CBX5: variants seen among roughly 807,000 people sequenced by gnomAD.
CBX5 encodes the protein chromobox protein homolog 5.
CBX5 carries 7 observed loss-of-function variants against 20.7 expected under a neutral mutation model. That is an observed-to-expected ratio of 0.34 (90% CI 0.19 to 0.63). CBX5 has a LOEUF of 0.63. Among genes scored for constraint, CBX5 ranks in the 30% least tolerant of loss-of-function variants. The probability of loss-of-function intolerance (pLI) is 0.75; values close to 1 mark genes in which losing one functional copy is unlikely to be tolerated. For synonymous variants in CBX5, 78 were observed against 77.0 expected, an observed-to-expected ratio of 1.01 and a Z score of -0.07; for missense variants, 110 against 224.1, an observed-to-expected ratio of 0.49 and a Z score of 3.25.
intron 3 of CBX5, 82 bp downstream of exon 3, chr12:54,251,959 A>G: frequency 7.8e-7 from 1 of 1,287,228 alleles, no homozygotes; most frequent in Admixed American, 2.5e-5. Context: ...AATAGAAATA[A>G]CCAAAATATG....
chr12:54,250,441 T>C (rs1250483313), intron 3 of CBX5, among the ~76,000 whole-genome samples: 2 of 151,890 alleles, frequency 1.3e-5, no homozygotes, highest in Non-Finnish European at 2.9e-5. Flanking sequence ...TATTTAATTG[T>C]ATATTATATG....
In CBX5 at chr12:54,257,563, C is replaced by A. The variant is rs778228591; in HGVS notation, c.88G>T (p.Val30Leu). Reference protein sequence around the residue: ...YVVEKVLDRRVVKGQVEYLLK... With the variant: ...YVVEKVLDRRLVKGQVEYLLK... ...AGATATTCCACTTGTCCCTTAACCA[C>A]GCGCCTGTCTAGCACCTTCTCCACA... The change falls in exon 2 of 5, where the codon GTG becomes TTG. Residue 30 changes from valine to leucine, a missense_variant. Val to Leu is a conservative substitution (Grantham distance 32). This residue lies in a region of CBX5 where 58 missense variants were observed against 120.6 expected (regional missense o/e 0.48). Transcript: ENST00000209875. 1 of 1,614,200 alleles carries A rather than the reference C, an allele frequency of 6.2e-7. No individual in the cohort carries two copies. Among genetic ancestry groups the A allele is most frequent in the East Asian group, 2.2e-5 (1 of 44,876 alleles).
chr12:54,271,004 GTTGA>G (rs1247639523), intron 1 of CBX5, among the ~76,000 whole-genome samples: 3 of 152,256 alleles, frequency 2.0e-5, no homozygotes, highest in South Asian at 2.1e-4. Context: ...GCTGCAGTGA[GTTGA>G]TTGTGTCACT....
chr12:54,277,846 T>A (rs1454976349), intron 1 of CBX5, among the ~76,000 whole-genome samples: 1 of 152,168 alleles, frequency 6.6e-6, no homozygotes. Context: ...TCTATTTTTA[T>A]TTTTTTAGCA....
rs371810622 is a variant in CBX5 at position 54,268,683 on chromosome 12, G to A, written c.-42-10991C>T. Reference sequence around the variant, plus strand: ...CTATTCCAGTTTCCAATTTTAAGGCGAGGATTTTTGAAGTTTCTCCTTGGT... The same window carrying A: ...CTATTCCAGTTTCCAATTTTAAGGCAAGGATTTTTGAAGTTTCTCCTTGGT... On this transcript the variant is annotated intron_variant, in intron 1 of 4. Coordinates refer to ENST00000209875, the MANE Select transcript of CBX5 (RefSeq NM_012117.3). Among the ~76,000 whole-genome samples the A allele has an allele frequency of 5.6e-4, 86 of 152,340 alleles. 1 individual carries two copies. The South Asian group carries it at 0.016, about 28-fold the overall frequency.
At chr12:54,262,791 G>C (rs556384541) in intron 1 of CBX5, 1 of 152,578 alleles carries the variant, frequency 6.6e-6, no homozygotes, top group East Asian at 1.9e-4. Flanking sequence ...ACTGAGCTTA[G>C]GAGGAGGGAG....
chr12:54,252,890 CAGG>C (rs1943821186), intron 2 of CBX5, among the ~76,000 whole-genome samples: 1 of 146,600 alleles, frequency 6.8e-6, no homozygotes, highest in Admixed American at 7.1e-5. Context: ...GAGGCTGAGG[CAGG>C]AGAATTGCTT....
intron 3 of CBX5, among the ~76,000 whole-genome samples, chr12:54,249,146 G>A (rs986338365): frequency 1.3e-5 from 2 of 152,134 alleles, no homozygotes; most frequent in Non-Finnish European, 2.9e-5. Flanking sequence ...CAAGATGGGC[G>A]GATAACGAGG....
At chr12:54,270,593 TATC>T (rs1369360628) in intron 1 of CBX5, among the ~76,000 whole-genome samples, 2 of 152,226 alleles carry the variant, frequency 1.3e-5, no homozygotes, top group Non-Finnish European at 2.9e-5. Flanking sequence ...AGTTTTGATA[TATC>T]ATCTTTTCAT....
At position 54,246,141 on chromosome 12, in the gene CBX5, A is replaced by C. The variant is rs1478124030; in HGVS notation, c.399T>G (p.Cys133Trp). Reference protein sequence around the residue: ...PEKIIGATDSCGDLMFLMKWK... With the variant: ...PEKIIGATDSWGDLMFLMKWK... ...ATTTCATTAGGAACATTAAATCACC[A>C]CAGGAATCTGTTGCCCCAATGATCT... Residue 133 changes from cysteine (C) to tryptophan (W), a missense_variant, in exon 4 of 5, where the codon TGT (cysteine) becomes TGG (tryptophan). Transcript: ENST00000209875. 1 of 1,613,150 alleles carries C rather than the reference A, an allele frequency of 6.2e-7. No homozygotes were observed. Among genetic ancestry groups the C allele is most frequent in the South Asian group, 1.1e-5 (1 of 91,054 alleles).
At chr12:54,243,376 AG>A (rs1457219378) in intron 4 of CBX5, among the ~76,000 whole-genome samples, 3 of 151,670 alleles carry the variant, frequency 2.0e-5, no homozygotes, top group Non-Finnish European at 4.4e-5. Context: ...GGGGCAACAT[AG>A]GAAGACCTGG....
At position 54,252,049 on chromosome 12, in the gene CBX5, T is replaced by G. The variant is rs892572184; in HGVS notation, c.316A>C (p.Lys106Gln). ...NSADDIKSKK[K>Q]REQSNDIARG... ...AGGGAAAGGAAGCTTACCTCTCTCTTTTTTTTAGATTTGATGTCATCGGCA... is the reference window on the plus strand; with the variant it reads ...AGGGAAAGGAAGCTTACCTCTCTCTGTTTTTTAGATTTGATGTCATCGGCA... The change falls in exon 3 of 5, where the codon AAG (lysine) becomes CAG (glutamine). Residue 106 changes from lysine to glutamine, a missense_variant. Lys to Gln is a moderately conservative substitution (Grantham distance 53). This residue lies in a region of CBX5 where 21 missense variants were observed against 18.6 expected (regional missense o/e 1.13). Transcript: ENST00000209875. 2 of 1,575,588 alleles carry G rather than the reference T, an allele frequency of 1.3e-6. No individual in the cohort carries two copies. Among genetic ancestry groups the G allele is most frequent in the Non-Finnish European group, 1.7e-6 (2 of 1,166,408 alleles).
chr12:54,269,958 C>T (rs1388677494), intron 1 of CBX5, among the ~76,000 whole-genome samples: 1 of 152,106 alleles, frequency 6.6e-6, no homozygotes, highest in East Asian at 1.9e-4. Context: ...TGAATGTATT[C>T]GTATCGTTTT....
At chr12:54,259,227 T>C (rs1245251404) in intron 1 of CBX5, 3 of 152,112 alleles carry the variant, frequency 2.0e-5, no homozygotes, top group Non-Finnish European at 4.4e-5. Context: ...AGACAGGAAA[T>C]GTCATATTCC....
intron 2 of CBX5, among the ~76,000 whole-genome samples, chr12:54,254,910 AC>A (rs912664878): frequency 1.3e-5 from 2 of 152,064 alleles, no homozygotes; most frequent in Admixed American, 1.3e-4. Context: ...TTTCCCCAAA[AC>A]CCACAGACCA....
intron 1 of CBX5, among the ~76,000 whole-genome samples, chr12:54,267,372 T>G (rs950410422): frequency 2.6e-5 from 4 of 152,212 alleles, no homozygotes; most frequent in Admixed American, 2.0e-4. Flanking sequence ...AGCCATAAAA[T>G]TAAGACTCAG....
intron 4 of CBX5, among the ~76,000 whole-genome samples, chr12:54,242,296 C>T (rs946059104): frequency 3.9e-5 from 6 of 151,928 alleles, no homozygotes; most frequent in Admixed American, 6.6e-5. Context: ...GAGGCCGAGG[C>T]GGGTGGATCA....
intron 1 of CBX5, chr12:54,278,890 A>G (rs548229297): frequency 6.6e-6 from 1 of 152,362 alleles, no homozygotes; most frequent in African/African-American, 2.4e-5. Flanking sequence ...AAAGAAATAT[A>G]TGAAAGTTCC....
intron 1 of CBX5, among the ~76,000 whole-genome samples, chr12:54,267,751 G>A (rs1279918487): frequency 6.6e-6 from 1 of 152,036 alleles, no homozygotes; most frequent in Non-Finnish European, 1.5e-5. Flanking sequence ...TCCTGACCTC[G>A]TGTTGTGATC....
Sources: gnomAD v4.1 joint callset for allele counts (sites outside exome capture counted in the v4.1 genomes callset) on GRCh38, gnomAD v4.1.1 for gene constraint, gnomAD v4.1.1 regional missense constraint, MANE v1.5 for transcripts, NCBI Gene and HGNC (gene_info 2026-07-23, HGNC 2026-07-21) for gene names.